PGM2L1: variants seen among roughly 807,000 people sequenced by gnomAD.
The protein encoded by PGM2L1 is glucose 1,6-bisphosphate synthase.
A neutral mutation model predicts 73.4 loss-of-function variants in PGM2L1; 35 were observed. The observed-to-expected ratio is 0.48, with a 90% CI of 0.36 to 0.63. PGM2L1 has a LOEUF of 0.63. PGM2L1 is among the 30% of genes least tolerant of loss of function. The pLI, the probability that PGM2L1 is intolerant of heterozygous loss-of-function variation, is 0.00. For synonymous variants in PGM2L1, 225 were observed against 253.8 expected, an observed-to-expected ratio of 0.89 and a Z score of 1.08; for missense variants, 570 against 742.0, an observed-to-expected ratio of 0.77 and a Z score of 2.69.
At chr11:74,369,372 T>G (rs1862714841) in intron 4 of PGM2L1, among the ~76,000 whole-genome samples, 1 of 137,212 alleles carries the variant, frequency 7.3e-6, no homozygotes, top group African/African-American at 3.6e-5. Flanking sequence ...GAGAGAAATT[T>G]GAATTAAACA....
In PGM2L1 at chr11:74,331,928, C is replaced by A. The variant is rs1252016711; in HGVS notation, c.*4724G>T. 6.6e-6 allele frequency: 1 copy of A among 152,146 alleles called. No individual in the cohort carries two copies. Among genetic ancestry groups the A allele is most frequent in the East Asian group, 1.9e-4 (1 of 5,190 alleles). The allele number at this position is 152,146 out of a possible 1,614,324, so 9.4% of individuals were successfully genotyped here. A position where few individuals can be genotyped will look rare whatever the true frequency, so the allele number is the denominator to read the frequency against. On this transcript the variant is annotated 3_prime_UTR_variant, in exon 14 of 14. Coordinates refer to ENST00000298198, the MANE Select transcript of PGM2L1 (RefSeq NM_173582.6). Reference sequence around the variant, plus strand: ...ACTTTGTCCCTATTTGGTCACTCTACACATTCTTATAGGTTCTCTTTTATA... The same window carrying A: ...ACTTTGTCCCTATTTGGTCACTCTAAACATTCTTATAGGTTCTCTTTTATA...
In PGM2L1 at chr11:74,342,485, G is replaced by A. The variant is rs1862197578; in HGVS notation, c.1608C>T (p.Asp536=). The A allele has an allele frequency of 6.5e-7, 1 of 1,541,494 alleles. No homozygotes were observed. The highest frequency in any genetic ancestry group is 8.7e-7 in the Non-Finnish European group (1 of 1,146,248). The change falls in exon 12 of 14, where the codon GAC becomes GAT. Residue 536 remains aspartate (D), a synonymous_variant. Coordinates refer to ENST00000298198, the MANE Select transcript of PGM2L1 (RefSeq NM_173582.6). The part of the protein sequence containing the change: ...LHVRDVTTGY[D]SSQPNKKSVL... ...CTGATTTCTTATTAGGCTGGCTACTGTCATATCCAGTGGTAACGTCCCGTA... is the reference window on the plus strand; with the variant it reads ...CTGATTTCTTATTAGGCTGGCTACTATCATATCCAGTGGTAACGTCCCGTA...
At chr11:74,354,798 T>C in intron 5 of PGM2L1, 1 of 918,004 alleles carries the variant, frequency 1.1e-6, no homozygotes, top group Admixed American at 1.7e-5. Flanking sequence ...CTGAAGAACA[T>C]CACCTAAGAG....
At chr11:74,361,100 C>T (rs1248887738) in intron 5 of PGM2L1, among the ~76,000 whole-genome samples, 1 of 152,202 alleles carries the variant, frequency 6.6e-6, no homozygotes, top group African/African-American at 2.4e-5. Flanking sequence ...AGACTGCCTC[C>T]TCAAGTGGGT....
chr11:74,381,710 G>A (rs544259328), intron 1 of PGM2L1, among the ~76,000 whole-genome samples: 1 of 151,150 alleles, frequency 6.6e-6, no homozygotes, highest in Non-Finnish European at 1.5e-5. Flanking sequence ...TCCCCAAAGT[G>A]CTAGAATTAC....
intron 5 of PGM2L1, among the ~76,000 whole-genome samples, chr11:74,359,085 A>C (rs1591176976): frequency 6.6e-6 from 1 of 152,322 alleles, no homozygotes; most frequent in East Asian, 1.9e-4. Context: ...TCATGCATAT[A>C]TTCATATCAT....
chr11:74,378,380 T>A (rs1433118347), intron 1 of PGM2L1, among the ~76,000 whole-genome samples: 2 of 152,134 alleles, frequency 1.3e-5, no homozygotes, highest in Non-Finnish European at 2.9e-5. Flanking sequence ...ATTTAGAAAG[T>A]AAATGCATTC....
intron 5 of PGM2L1, chr11:74,355,580 T>A (rs11236067): frequency 0.019 from 2,948 of 152,778 alleles, 94 homozygotes; most frequent in East Asian, 0.043. Flanking sequence ...AAAAAAAAAA[T>A]TTGGATCCAT....
intron 5 of PGM2L1, among the ~76,000 whole-genome samples, chr11:74,352,032 A>G (rs1182813146): frequency 6.6e-6 from 1 of 152,072 alleles, no homozygotes; most frequent in East Asian, 1.9e-4. Context: ...AAATGTCAAC[A>G]TAGGAGGACT....
intron 6 of PGM2L1, among the ~76,000 whole-genome samples, chr11:74,347,547 C>T (rs1862285476): frequency 6.6e-6 from 1 of 152,176 alleles, no homozygotes; most frequent in African/African-American, 2.4e-5. Context: ...GGCTCAACTT[C>T]CTGACCTGGA....
intron 9 of PGM2L1, among the ~76,000 whole-genome samples, chr11:74,344,680 T>C (rs1862235558): frequency 6.6e-6 from 1 of 152,010 alleles, no homozygotes; most frequent in Non-Finnish European, 1.5e-5. Context: ...TCTTTCTCTT[T>C]TGTGCCCATT....
intron 5 of PGM2L1, among the ~76,000 whole-genome samples, chr11:74,362,920 A>G (rs1862589263): frequency 1.3e-5 from 2 of 152,234 alleles, no homozygotes; most frequent in Admixed American, 1.3e-4. Context: ...TCCACCCCAA[A>G]TCAACAGAAT....
chr11:74,349,895 C>T (rs1426991249), intron 6 of PGM2L1, among the ~76,000 whole-genome samples: 1 of 152,038 alleles, frequency 6.6e-6, no homozygotes, highest in African/African-American at 2.4e-5. Flanking sequence ...AACAGTACAG[C>T]TATCAAATAA....
chr11:74,380,863 C>G (rs1256585751), intron 1 of PGM2L1, among the ~76,000 whole-genome samples: 1 of 152,016 alleles, frequency 6.6e-6, no homozygotes, highest in Non-Finnish European at 1.5e-5. Flanking sequence ...CTTTTCTTGA[C>G]CAACAAAGAA....
intron 5 of PGM2L1, among the ~76,000 whole-genome samples, chr11:74,364,393 G>C (rs150705252): frequency 0.38 from 56,987 of 151,934 alleles, 12,625 homozygotes; most frequent in East Asian, 0.52. Flanking sequence ...AGAAATAAAG[G>C]GTATTCAGTT....
chr11:74,364,561 ACAC>A (rs1446952427), intron 5 of PGM2L1, among the ~76,000 whole-genome samples: 2 of 152,218 alleles, frequency 1.3e-5, no homozygotes, highest in African/African-American at 2.4e-5. Context: ...GCATTCTTAT[ACAC>A]CAATAACAGA....
chr11:74,369,067 A>C (rs1363722567), intron 4 of PGM2L1, among the ~76,000 whole-genome samples: 1 of 152,188 alleles, frequency 6.6e-6, no homozygotes, highest in African/African-American at 2.4e-5. Flanking sequence ...TATTAGCCAT[A>C]ACTGCATCAA....
intron 5 of PGM2L1, among the ~76,000 whole-genome samples, chr11:74,366,510 T>C (rs1345968543): frequency 1.4e-5 from 2 of 148,082 alleles, no homozygotes; most frequent in African/African-American, 2.5e-5. Context: ...AGAAATAAGA[T>C]GGCAAGAAAG....
chr11:74,373,112 C>T (rs928814367), intron 2 of PGM2L1, among the ~76,000 whole-genome samples: 2 of 152,182 alleles, frequency 1.3e-5, no homozygotes, highest in South Asian at 4.1e-4. Context: ...TTCCATCCAG[C>T]TTTTCCACTT....
Sources: allele counts gnomAD v4.1 joint callset (sites outside exome capture counted in the v4.1 genomes callset), GRCh38; gene constraint gnomAD v4.1.1; transcripts MANE v1.5; gene names NCBI Gene and HGNC (gene_info 2026-07-23, HGNC 2026-07-21).